The following SMYD3 variants were observed in gnomAD, a reference collection of about 807,000 sequenced individuals.
The protein encoded by SMYD3 is SET and MYND domain containing 3.
In SMYD3, 36 loss-of-function variants were observed where a neutral mutation model predicts 57.7. That is an observed-to-expected ratio of 0.62 (90% confidence interval 0.48 to 0.82). The LOEUF (loss-of-function observed/expected upper bound fraction) is 0.82. SMYD3 is among the 40% of genes least tolerant of loss of function. The pLI is 0.00. For missense variants in SMYD3, 515 were observed against 538.8 expected, an observed-to-expected ratio of 0.96 and a Z score of 0.44; for synonymous variants, 211 against 195.0, an observed-to-expected ratio of 1.08 and a Z score of -0.68.
intron 1 of SMYD3, among the ~76,000 whole-genome samples, chr1:246,369,595 C>G (rs1221987373): frequency 3.3e-5 from 5 of 152,112 alleles, no homozygotes; most frequent in Non-Finnish European, 7.4e-5. Context: ...GGCACAAACA[C>G]AGCTCACTGA....
chr1:246,287,150 G>A lies in SMYD3; in HGVS notation c.531+40051C>T, dbSNP rs139530190. ...GCCTCCCAAAGTGCAAGGATTATAGGCGTGAGCCACAGTGCCCAGCCTAAA... is the reference window on the plus strand; with the variant it reads ...GCCTCCCAAAGTGCAAGGATTATAGACGTGAGCCACAGTGCCCAGCCTAAA... On this transcript the variant is annotated intron_variant, in intron 5 of 11. Coordinates refer to ENST00000490107, the MANE Select transcript of SMYD3 (RefSeq NM_001167740.2). Among the ~76,000 whole-genome samples, 247 of 152,222 alleles carry A rather than the reference G, an allele frequency of 1.6e-3. 3 individuals are homozygous for A. The East Asian group carries it at 0.038, about 23-fold the overall frequency.
At chr1:245,914,817 C>T (rs2055279887) in intron 8 of SMYD3, among the ~76,000 whole-genome samples, 1 of 152,088 alleles carries the variant, frequency 6.6e-6, no homozygotes, top group South Asian at 2.1e-4. Flanking sequence ...TTTGATACTA[C>T]ACATAGTATA....
In SMYD3 at chr1:245,927,558, G is replaced by GC. The variant is rs766144971; in HGVS notation, c.702+372dup. 5.6e-3 allele frequency among the ~76,000 whole-genome samples: 852 copies of GC among 151,594 alleles called. 2 individuals carry two copies. The highest frequency in any genetic ancestry group is 9.2e-3 in the Non-Finnish European group (623 of 67,872). ...GGGGATCCCACTCACAAGCTGGGAT[G>GC]CCCCCCCCTGCCCACGGAAGGATAT... On this transcript the variant is annotated intron_variant, in intron 7 of 11. Coordinates refer to ENST00000490107, the MANE Select transcript of SMYD3 (RefSeq NM_001167740.2).
chr1:246,427,694 T>A (rs1008022609), intron 1 of SMYD3, among the ~76,000 whole-genome samples: 2 of 151,610 alleles, frequency 1.3e-5, no homozygotes, highest in African/African-American at 4.8e-5. Flanking sequence ...GGAGACTCCA[T>A]CTCTACAAAA....
intron 1 of SMYD3, among the ~76,000 whole-genome samples, chr1:246,391,433 AG>A (rs1420939916): frequency 6.7e-6 from 1 of 148,616 alleles, no homozygotes; most frequent in African/African-American, 2.5e-5. Context: ...AGAGAGAGAG[AG>A]AGAGAGAAGG....
At chr1:246,230,870 T>C (rs751732317) in intron 5 of SMYD3, among the ~76,000 whole-genome samples, 2 of 152,254 alleles carry the variant, frequency 1.3e-5, no homozygotes, top group Non-Finnish European at 2.9e-5. Flanking sequence ...CAAATGTGGC[T>C]ACTGGTTACC....
intron 1 of SMYD3, among the ~76,000 whole-genome samples, chr1:246,398,465 A>C (rs1207523080): frequency 6.6e-6 from 1 of 152,246 alleles, no homozygotes; most frequent in East Asian, 1.9e-4. Context: ...GAGAATCTAT[A>C]ATAAGGTATG....
intron 8 of SMYD3, among the ~76,000 whole-genome samples, chr1:245,894,692 T>G (rs1208400578): frequency 6.6e-6 from 1 of 152,210 alleles, no homozygotes; most frequent in African/African-American, 2.4e-5. Context: ...CTAGACTTCC[T>G]GAACACTACT....
chr1:245,966,964 T>C lies in SMYD3; in HGVS notation c.532-37027A>G, dbSNP rs77759369. On this transcript the variant is annotated intron_variant, in intron 5 of 11. Coordinates refer to ENST00000490107, the MANE Select transcript of SMYD3 (RefSeq NM_001167740.2). ...TGCTTCTCATCGATATCCACCACTGTAGGCACTCAGATCCCACCTAGCTCC... is the reference window on the plus strand; with the variant it reads ...TGCTTCTCATCGATATCCACCACTGCAGGCACTCAGATCCCACCTAGCTCC... Among the ~76,000 whole-genome samples, 875 of 152,324 alleles carry C rather than the reference T, an allele frequency of 5.7e-3. 2 individuals carry two copies. Among genetic ancestry groups the C allele is most frequent in the Non-Finnish European group, 9.6e-3 (653 of 68,030 alleles).
intron 5 of SMYD3, among the ~76,000 whole-genome samples, chr1:246,218,145 G>A (rs545361190): frequency 6.6e-6 from 1 of 151,862 alleles, no homozygotes; most frequent in South Asian, 2.1e-4. Context: ...ACAAGAATAC[G>A]TACACTCTGA....
intron 5 of SMYD3, among the ~76,000 whole-genome samples, chr1:246,071,942 G>C (rs10802328): frequency 1.0e-3 from 134 of 133,882 alleles, no homozygotes; most frequent in African/African-American, 2.6e-3. Flanking sequence ...TGCTCACTGT[G>C]GATGCTTCCT....
chr1:246,308,810 G>C (rs2065029136), intron 5 of SMYD3, among the ~76,000 whole-genome samples: 1 of 152,104 alleles, frequency 6.6e-6, no homozygotes, highest in Admixed American at 6.5e-5. Flanking sequence ...AGATGGAAAG[G>C]ACTGTAAGGT....
intron 5 of SMYD3, chr1:246,326,035 A>G (rs1257100992): frequency 5.0e-6 from 1 of 198,364 alleles, no homozygotes; most frequent in Non-Finnish European, 1.0e-5. Context: ...AGATGACATT[A>G]ATCAGAAAAT....
At chr1:246,405,103 G>A (rs560102187) in intron 1 of SMYD3, among the ~76,000 whole-genome samples, 4 of 151,896 alleles carry the variant, frequency 2.6e-5, no homozygotes, top group East Asian at 3.9e-4. Flanking sequence ...AGGTGTGCAC[G>A]ACCACACCTG....
intron 5 of SMYD3, among the ~76,000 whole-genome samples, chr1:246,317,499 TAGAA>T (rs1558397543): frequency 4.6e-5 from 7 of 152,160 alleles, no homozygotes; most frequent in South Asian, 2.1e-4. Context: ...TGGGGAGAAA[TAGAA>T]AGAGTATTTT....
intron 8 of SMYD3, among the ~76,000 whole-genome samples, chr1:245,877,104 G>A (rs143868165): frequency 3.3e-3 from 510 of 152,314 alleles, no homozygotes; most frequent in African/African-American, 0.011. Flanking sequence ...CCACGCTGTT[G>A]GGTGCTTCTG....
chr1:246,346,080 C>A (rs1259714469), intron 2 of SMYD3, among the ~76,000 whole-genome samples: 11 of 152,124 alleles, frequency 7.2e-5, no homozygotes, highest in Admixed American at 7.2e-4. Context: ...GTCAGGAGAT[C>A]GAGACCATCC....
At chr1:246,360,471 G>T (rs2065970805) in intron 1 of SMYD3, among the ~76,000 whole-genome samples, 1 of 151,686 alleles carries the variant, frequency 6.6e-6, no homozygotes, top group Admixed American at 6.6e-5. Context: ...AATTCATACG[G>T]AACCAAAAAA....
intron 5 of SMYD3, among the ~76,000 whole-genome samples, chr1:246,089,029 G>A: frequency 6.6e-6 from 1 of 152,108 alleles, no homozygotes; most frequent in East Asian, 1.9e-4. Context: ...TGTCACTCAG[G>A]CTGGAGTGCA....
Sources: allele counts gnomAD v4.1 joint callset (sites outside exome capture counted in the v4.1 genomes callset), GRCh38; gene constraint gnomAD v4.1.1; transcripts MANE v1.5; gene names NCBI Gene and HGNC (gene_info 2026-07-23, HGNC 2026-07-21).